The following NEDD4L variants were observed in gnomAD, a reference collection of about 807,000 sequenced individuals.
NEDD4L encodes the protein E3 ubiquitin-protein ligase NEDD4-like.
NEDD4L carries 54 observed loss-of-function variants against 148.9 expected under a neutral mutation model. The observed-to-expected ratio is 0.36, with a 90% CI of 0.29 to 0.45. The LOEUF is 0.45. Among genes scored for constraint, NEDD4L ranks in the 20% least tolerant of loss-of-function variants. The pLI is 1.00. For synonymous variants in NEDD4L, 433 were observed against 440.7 expected, an observed-to-expected ratio of 0.98 and a Z score of 0.22; for missense variants, 856 against 1,233.8, an observed-to-expected ratio of 0.69 and a Z score of 4.59.
intron 5 of NEDD4L, among the ~76,000 whole-genome samples, chr18:58,314,276 G>A (rs534109422): frequency 3.3e-5 from 5 of 152,214 alleles, no homozygotes; most frequent in African/African-American, 1.2e-4. Context: ...AATTAGCTGG[G>A]CGTGGTGGTG....
intron 1 of NEDD4L, among the ~76,000 whole-genome samples, chr18:58,116,506 C>A (rs1232645445): frequency 6.6e-6 from 1 of 152,216 alleles, no homozygotes; most frequent in Non-Finnish European, 1.5e-5. Context: ...TCAGGTGCAT[C>A]TAATGCAGCC....
intron 19 of NEDD4L, among the ~76,000 whole-genome samples, chr18:58,361,581 CA>C (rs2045492860): frequency 6.6e-6 from 1 of 152,190 alleles, no homozygotes; most frequent in Admixed American, 6.5e-5. Flanking sequence ...GGGTCAGAAT[CA>C]GGACCGGAGC....
chr18:58,045,235 C>T (rs528917929), intron 1 of NEDD4L: 6 of 397,804 alleles, frequency 1.5e-5, no homozygotes, highest in Non-Finnish European at 2.2e-5. Flanking sequence ...ATGGGGGACA[C>T]GCTGCGTGTG....
intron 19 of NEDD4L, among the ~76,000 whole-genome samples, chr18:58,358,017 A>G (rs938633914): frequency 8.5e-5 from 13 of 152,218 alleles, no homozygotes; most frequent in South Asian, 4.1e-4. Flanking sequence ...TACTGCGATC[A>G]GCAGAAGATT....
chr18:58,092,847 C>T (rs1329715481), intron 1 of NEDD4L, among the ~76,000 whole-genome samples: 2 of 150,052 alleles, frequency 1.3e-5, no homozygotes, highest in Non-Finnish European at 3.0e-5. Context: ...CATGTACTCC[C>T]TCTCTCTCTT....
intron 30 of NEDD4L, 66 bp from the exon 31 acceptor site, chr18:58,396,101 C>T: frequency 9.7e-7 from 1 of 1,031,494 alleles, no homozygotes; most frequent in Admixed American, 1.9e-5. Context: ...AAACCTCATG[C>T]CCTATTAACC....
chr18:58,398,757 T>A lies in NEDD4L; in HGVS notation c.*2488T>A, dbSNP rs2050653272. On this transcript the variant is annotated 3_prime_UTR_variant, in exon 31 of 31. Coordinates refer to ENST00000400345, the MANE Select transcript of NEDD4L (RefSeq NM_001144967.3). ...TCTTTGCCTAAAATGGTCATAGATC[T>A]TGATTTCTCTGAATCGTGATGACCA... 1 of 152,266 alleles carries A rather than the reference T, an allele frequency of 6.6e-6. No homozygotes were observed. The highest frequency in any genetic ancestry group is 2.4e-5 in the African/African-American group (1 of 41,482). The allele number at this position is 152,266 out of a possible 1,614,324, so 9.4% of individuals were successfully genotyped here. A position where few individuals can be genotyped will look rare whatever the true frequency, so the allele number is the denominator to read the frequency against.
rs201969703 is a variant in NEDD4L, at chr18:58,185,199, C to T, written c.122+19338C>T. On this transcript the variant is annotated intron_variant, in intron 2 of 30. Coordinates refer to ENST00000400345, the MANE Select transcript of NEDD4L (RefSeq NM_001144967.3). ...ATGACAGGGAGGTCTTAATTGTGATCGGACCGTGGGAGCTGGATTACCCCA... is the reference window on the plus strand; with the variant it reads ...ATGACAGGGAGGTCTTAATTGTGATTGGACCGTGGGAGCTGGATTACCCCA... Among the ~76,000 whole-genome samples, 37 of 152,242 alleles carry T rather than the reference C, an allele frequency of 2.4e-4. No homozygotes were observed. The East Asian group carries it at 5.4e-3, about 22-fold the overall frequency.
intron 2 of NEDD4L, among the ~76,000 whole-genome samples, chr18:58,219,709 C>G (rs778599538): frequency 3.3e-5 from 5 of 152,180 alleles, no homozygotes; most frequent in African/African-American, 4.8e-5. Flanking sequence ...CTCATTTTAA[C>G]TTAATTACCT....
intron 2 of NEDD4L, among the ~76,000 whole-genome samples, chr18:58,178,238 G>A (rs1385510651): frequency 6.6e-6 from 1 of 152,220 alleles, no homozygotes; most frequent in Non-Finnish European, 1.5e-5. Flanking sequence ...GTCAATGACA[G>A]ACTAATTCTG....
chr18:58,250,671 G>A (rs968287425), intron 4 of NEDD4L, among the ~76,000 whole-genome samples: 1 of 152,120 alleles, frequency 6.6e-6, no homozygotes, highest in African/African-American at 2.4e-5. Flanking sequence ...TCCCCACCAT[G>A]AAGCAGCCAG....
intron 1 of NEDD4L, among the ~76,000 whole-genome samples, chr18:58,061,055 C>T (rs1197271764): frequency 6.6e-6 from 1 of 152,042 alleles, no homozygotes. Flanking sequence ...CCACTGTGCC[C>T]GGCCGCCTGG....
At chr18:58,288,200 T>C (rs1477269704) in intron 5 of NEDD4L, among the ~76,000 whole-genome samples, 1 of 152,206 alleles carries the variant, frequency 6.6e-6, no homozygotes, top group Non-Finnish European at 1.5e-5. Flanking sequence ...ACAAAATACA[T>C]CCATCAGACC....
intron 1 of NEDD4L, chr18:58,149,302 T>C: frequency 9.0e-7 from 1 of 1,113,910 alleles, no homozygotes; most frequent in Non-Finnish European, 1.2e-6. Flanking sequence ...ATAAGACACC[T>C]GTGATTTGAT....
chr18:58,106,997 T>A (rs2145592688), intron 1 of NEDD4L, among the ~76,000 whole-genome samples: 1 of 152,330 alleles, frequency 6.6e-6, no homozygotes, highest in South Asian at 2.1e-4. Flanking sequence ...AATATAATCT[T>A]GGATGTTGGA....
intron 5 of NEDD4L, among the ~76,000 whole-genome samples, chr18:58,277,125 G>A (rs1328892728): frequency 6.6e-6 from 1 of 152,118 alleles, no homozygotes; most frequent in East Asian, 1.9e-4. Flanking sequence ...AGGAGAAAAG[G>A]GACTTGGCTG....
intron 1 of NEDD4L, among the ~76,000 whole-genome samples, chr18:58,146,131 G>A (rs1275443438): frequency 1.3e-5 from 2 of 152,182 alleles, no homozygotes; most frequent in African/African-American, 2.4e-5. Flanking sequence ...ATGCATAGAC[G>A]TATTGAATCA....
chr18:58,227,759 T>C (rs1327762987), intron 2 of NEDD4L: 1 of 359,362 alleles, frequency 2.8e-6, no homozygotes, highest in South Asian at 1.2e-4. Context: ...GCTGTGGTTT[T>C]ACTTAGCTTA....
intron 16 of NEDD4L, among the ~76,000 whole-genome samples, chr18:58,345,981 A>G (rs975264687): frequency 1.3e-5 from 2 of 150,390 alleles, no homozygotes; most frequent in African/African-American, 4.9e-5. Context: ...CTGGTCTCGA[A>G]CTCCTGACCT....
Sources: gnomAD v4.1 joint callset for allele counts (sites outside exome capture counted in the v4.1 genomes callset) on GRCh38, gnomAD v4.1.1 for gene constraint, MANE v1.5 for transcripts, NCBI Gene and HGNC (gene_info 2026-07-23, HGNC 2026-07-21) for gene names.